The following NFAM1 variants were observed in gnomAD, a reference collection of about 807,000 sequenced individuals.
NFAM1 encodes the protein NFAT activation molecule 1.
A neutral mutation model predicts 29.0 loss-of-function variants in NFAM1; 17 were observed. That is an observed-to-expected ratio of 0.59 (90% CI 0.40 to 0.88). The LOEUF is 0.88. NFAM1 is among the 40% of genes least tolerant of loss of function. The pLI, the probability that NFAM1 is intolerant of heterozygous loss-of-function variation, is 0.00. For missense variants in NFAM1, 324 were observed against 344.6 expected (o/e 0.94, Z 0.47); for synonymous variants, 175 against 147.2 (o/e 1.19, Z -1.36).
chr22:42,395,581 T>C (rs912562252), intron 4 of NFAM1, among the ~76,000 whole-genome samples: 1 of 151,458 alleles, frequency 6.6e-6, no homozygotes, highest in Non-Finnish European at 1.5e-5. Context: ...ATGACTGGGT[T>C]CGTAGAAAAT....
chr22:42,408,225 C>A (rs1019460883), intron 3 of NFAM1, among the ~76,000 whole-genome samples: 4 of 152,152 alleles, frequency 2.6e-5, no homozygotes, highest in Non-Finnish European at 4.4e-5. Context: ...TCAGTTTGGT[C>A]ATTGCTGTAT....
chr22:42,382,054 G>GTGTTTGTT lies in NFAM1; in HGVS notation c.*3099_*3106dup, dbSNP rs1245655907. On this transcript the variant is annotated 3_prime_UTR_variant, in exon 6 of 6. Transcript: ENST00000329021. ...TCTGTCCTTTCTGAGACACTGAGTAGTGTTTGTTTGTTTGTTTATTTGGAC... is the reference window on the plus strand; with the variant it reads ...TCTGTCCTTTCTGAGACACTGAGTAGTGTTTGTTTGTTTGTTTGTTTGTTTATTTGGAC... 5.2e-5 allele frequency: 8 copies of GTGTTTGTT among 152,394 alleles called. No homozygotes were observed. Among genetic ancestry groups the GTGTTTGTT allele is most frequent in the African/African-American group, 1.9e-4 (8 of 41,542 alleles). 9.4% of individuals were successfully genotyped at this position (152,394 alleles called of 1,614,324 possible).
chr22:42,437,314 G>A (rs1930965548), upstream of NFAM1, among the ~76,000 whole-genome samples: 1 of 151,828 alleles, frequency 6.6e-6, no homozygotes, highest in African/African-American at 2.4e-5. Context: ...GGCTATGTTT[G>A]TATTTTTTAG....
At chr22:42,390,001 C>A (rs1929280013) in intron 4 of NFAM1, among the ~76,000 whole-genome samples, 1 of 152,124 alleles carries the variant, frequency 6.6e-6, no homozygotes, top group South Asian at 2.1e-4. Context: ...AAATGGGGAG[C>A]CCCTGAAGGC....
At chr22:42,387,286 G>A (rs1349906254) in intron 4 of NFAM1, among the ~76,000 whole-genome samples, 3 of 151,962 alleles carry the variant, frequency 2.0e-5, no homozygotes, top group Non-Finnish European at 1.5e-5. Context: ...CTCTGTTCTC[G>A]GCCACCTCCC....
chr22:42,389,407 G>A (rs941766199), intron 4 of NFAM1, among the ~76,000 whole-genome samples: 3 of 152,188 alleles, frequency 2.0e-5, no homozygotes, highest in Non-Finnish European at 2.9e-5. Flanking sequence ...GTGAGGCCTT[G>A]ACAAGTCCTG....
intron 1 of NFAM1, among the ~76,000 whole-genome samples, chr22:42,413,293 G>T (rs1049549620): frequency 1.3e-5 from 2 of 152,224 alleles, no homozygotes; most frequent in Non-Finnish European, 2.9e-5. Flanking sequence ...GGGCTGGAGG[G>T]AGGCCAGGCT....
At chr22:42,425,354 AAT>A (rs1930590623) in intron 1 of NFAM1, among the ~76,000 whole-genome samples, 6 of 152,078 alleles carry the variant, frequency 3.9e-5, no homozygotes, top group Admixed American at 1.3e-4. Flanking sequence ...CTCCTTTTAA[AAT>A]ATATATGCTT....
Position 42,387,034 on chromosome 22 carries a change from A to C in NFAM1, c.708T>G (p.Asn236Lys). Residue 236 changes from asparagine (N) to lysine (K), a missense_variant, in exon 5 of 6, where the codon AAT becomes AAG. Transcript: ENST00000329021. ...TGGCGGTGGGTGAGCTGCCATCCTC[A>C]TTCTCGATGCAGGCATAGACCTCGG... ...RETEVYACIENEDGSSPTAKQ... is the reference protein window; with the variant it reads ...RETEVYACIEKEDGSSPTAKQ... The C allele has an allele frequency of 6.3e-7, 1 of 1,586,086 alleles. No individual in the cohort carries two copies. Among genetic ancestry groups the C allele is most frequent in the South Asian group, 1.1e-5 (1 of 87,468 alleles).
At chr22:42,407,803 G>A (rs2179232) in intron 3 of NFAM1, among the ~76,000 whole-genome samples, 31,300 of 151,634 alleles carry the variant, frequency 0.21, 4,276 homozygotes, top group African/African-American at 0.36. Flanking sequence ...TGTTACCCAC[G>A]CTGATATTGA....
upstream of NFAM1, among the ~76,000 whole-genome samples, chr22:42,432,930 A>G (rs1930855738): frequency 6.6e-6 from 1 of 152,006 alleles, no homozygotes. Context: ...GCTGCCCATC[A>G]TTCACCCAGC....
chr22:42,432,462 C>T, upstream of NFAM1: 1 of 1,431,956 alleles, frequency 7.0e-7, no homozygotes, highest in African/African-American at 1.4e-5. Context: ...CCTGGCAGCC[C>T]CTGACCTTCC....
chr22:42,405,166 C>T (rs1418527694), intron 3 of NFAM1, among the ~76,000 whole-genome samples: 1 of 152,196 alleles, frequency 6.6e-6, no homozygotes, highest in East Asian at 1.9e-4. Flanking sequence ...CCCTCCTTTA[C>T]TAATACTGTG....
intron 1 of NFAM1, among the ~76,000 whole-genome samples, chr22:42,416,625 G>A (rs1930268678): frequency 6.6e-6 from 1 of 152,202 alleles, no homozygotes; most frequent in Non-Finnish European, 1.5e-5. Context: ...AGAGGGGGCT[G>A]GGGAGAGCTG....
rs1569235801 is a variant in NFAM1, at chr22:42,423,549, T to TTAAATAAATAAATAAATAAATAAA, written c.121+8687_121+8688insTTTATTTATTTATTTATTTATTTA. The stretch of plus-strand genomic sequence containing the variant: ...GGGCAACATAGCAAGACCCCATTTC[T>TTAAATAAATAAATAAATAAATAAA]GAAATAAATAAATAAATAAAATTAG... On this transcript the variant is annotated intron_variant, in intron 1 of 5. Coordinates refer to ENST00000329021, the MANE Select transcript of NFAM1 (RefSeq NM_145912.8). Among the ~76,000 whole-genome samples, 637 of 135,044 alleles carry TTAAATAAATAAATAAATAAATAAA rather than the reference T, an allele frequency of 4.7e-3. 5 individuals carry two copies. Among genetic ancestry groups the TTAAATAAATAAATAAATAAATAAA allele is most frequent in the African/African-American group, 0.018 (573 of 32,598 alleles). 88.6% of individuals were successfully genotyped at this position (135,044 alleles called of 152,430 possible).
At chr22:42,397,030 C>T (rs1425248349) in intron 4 of NFAM1, among the ~76,000 whole-genome samples, 3 of 150,050 alleles carry the variant, frequency 2.0e-5, no homozygotes, top group African/African-American at 2.5e-5. Flanking sequence ...GCCCACCTGG[C>T]GGTGCCAGAT....
At chr22:42,420,488 G>A (rs1302125001) in intron 1 of NFAM1, among the ~76,000 whole-genome samples, 1 of 148,760 alleles carries the variant, frequency 6.7e-6, no homozygotes, top group East Asian at 2.0e-4. Flanking sequence ...CAAACAGGCT[G>A]GGTGCAGTGG....
rs773701165 is a variant in NFAM1, at chr22:42,432,279, G to C, written c.79C>G (p.Leu27Val). 1.3e-6 allele frequency: 2 copies of C among 1,572,420 alleles called. No homozygotes were observed. Among genetic ancestry groups the C allele is most frequent in the South Asian group, 2.3e-5 (2 of 86,026 alleles). The change falls in exon 1 of 6, where the codon CTC (leucine) becomes GTC (valine). Residue 27 changes from leucine (L) to valine (V), a missense_variant. Transcript: ENST00000329021. ...PPGLPAAPWL[L>V]LGVLLLPGTL... ...CCGGGCAGCAGCAGCACGCCAAGGAGGAGCCAGGGGGCTGCGGGGAGCCCA... is the reference window on the plus strand; with the variant it reads ...CCGGGCAGCAGCAGCACGCCAAGGACGAGCCAGGGGGCTGCGGGGAGCCCA...
chr22:42,384,815 G>A lies in NFAM1; in HGVS notation c.*346C>T. 2.6e-6 allele frequency: 1 copy of A among 378,694 alleles called. No homozygotes were observed. Among genetic ancestry groups the A allele is most frequent in the Non-Finnish European group, 5.0e-6 (1 of 201,448 alleles). The allele number at this position is 378,694 out of a possible 1,614,324, so 23.5% of individuals were successfully genotyped here. ...GTGCAGGCTGGTGCCAAGAGAGCAT[G>A]CTGCTCTGTCAGCATGAGGCAGTGA... On this transcript the variant is annotated 3_prime_UTR_variant, in exon 6 of 6. Coordinates refer to ENST00000329021, the MANE Select transcript of NFAM1 (RefSeq NM_145912.8).
Sources: allele counts gnomAD v4.1 joint callset (sites outside exome capture counted in the v4.1 genomes callset), GRCh38; gene constraint gnomAD v4.1.1; transcripts MANE v1.5; gene names NCBI Gene and HGNC (gene_info 2026-07-23, HGNC 2026-07-21).